The following FYB2 variants were observed in gnomAD, a reference collection of about 807,000 sequenced individuals.
The protein encoded by FYB2 is FYN-binding protein 2.
A neutral mutation model predicts 94.1 loss-of-function variants in FYB2; 103 were observed. The ratio of observed to expected loss-of-function variants is 1.09; its 90% CI spans 0.93 to 1.29. The LOEUF is 1.29. Ranked by LOEUF, FYB2 falls within the 50% of genes most tolerant of loss-of-function variation. FYB2 has a pLI of 0.00. For missense variants in FYB2, 896 were observed against 841.5 expected (o/e 1.06, Z -0.80); for synonymous variants, 293 against 287.9 (o/e 1.02, Z -0.18).
At chr1:56,806,780 G>A (rs111247645) in intron 1 of FYB2, among the ~76,000 whole-genome samples, 6 of 12,344 alleles carry the variant, frequency 4.9e-4, no homozygotes, top group Admixed American at 1.5e-3. Flanking sequence ...ATATTGCTTC[G>A]ATACTAAAAC....
In FYB2 at chr1:56,792,083, CAT is replaced by C. The variant is rs763440116; in HGVS notation, c.728_729del (p.Tyr243Ter). The C allele has an allele frequency of 2.0e-5, 32 of 1,604,362 alleles. No individual in the cohort carries two copies. In the Middle Eastern group the frequency reaches 8.8e-4, roughly 44 times the overall value. ...SPASSPCQPIYECELASQAPE... is the reference protein window; with the variant it reads ...SPASSPCQPIXECELASQAPE... The stretch of plus-strand genomic sequence containing the variant: ...GGGGCCTGACTGGCAAGCTCACACT[CAT>C]AGATGGGCTGGCAGGGGCTGCTTGC... On this transcript the variant is annotated frameshift_variant, in exon 2 of 20. Coordinates refer to ENST00000343433, the MANE Select transcript of FYB2 (RefSeq NM_001004303.5). LOFTEE classifies it high-confidence loss of function.
chr1:56,741,358 G>A (rs1001104183), intron 12 of FYB2, among the ~76,000 whole-genome samples: 2 of 152,050 alleles, frequency 1.3e-5, no homozygotes, highest in East Asian at 1.9e-4. Context: ...TCAGGGAAAT[G>A]TACTTTACAA....
At chr1:56,761,716 C>T (rs1645498613) in intron 5 of FYB2, among the ~76,000 whole-genome samples, 1 of 152,122 alleles carries the variant, frequency 6.6e-6, no homozygotes, top group Non-Finnish European at 1.5e-5. Flanking sequence ...GTTTTCTTGG[C>T]CTTGTTCAAG....
At chr1:56,818,678 C>A (rs1018010004) in intron 1 of FYB2, among the ~76,000 whole-genome samples, 1 of 152,168 alleles carries the variant, frequency 6.6e-6, no homozygotes, top group African/African-American at 2.4e-5. Context: ...CTTTTCCATA[C>A]ATCTCTATTT....
intron 4 of FYB2, among the ~76,000 whole-genome samples, chr1:56,781,055 G>A (rs1265229987): frequency 6.6e-5 from 10 of 152,188 alleles, no homozygotes; most frequent in Non-Finnish European, 1.5e-4. Context: ...CGTCAATCAG[G>A]TCAGGTCTGT....
intron 4 of FYB2, among the ~76,000 whole-genome samples, chr1:56,786,529 T>C (rs1027627973): frequency 6.6e-6 from 1 of 152,178 alleles, no homozygotes; most frequent in Non-Finnish European, 1.5e-5. Flanking sequence ...GGAACATCTT[T>C]GTGTGGGAGG....
At position 56,811,105 on chromosome 1, in the gene FYB2, T is replaced by C. The variant is rs570158281; in HGVS notation, c.9+8177A>G. The stretch of plus-strand genomic sequence containing the variant: ...TCTCTATATATTAAATCATAGATGC[T>C]CTAGGGGAGGGACCGTCATCAGGCA... On this transcript the variant is annotated intron_variant, in intron 1 of 19. Coordinates refer to ENST00000343433, the MANE Select transcript of FYB2 (RefSeq NM_001004303.5). Among the ~76,000 whole-genome samples the C allele has an allele frequency of 5.1e-4, 78 of 152,196 alleles. No individual in the cohort carries two copies. The South Asian group carries it at 0.016, about 31-fold the overall frequency.
In FYB2 at chr1:56,819,254, G is replaced by T. The variant is rs770791939; in HGVS notation, c.9+28C>A. On this transcript the variant is annotated intron_variant, in intron 1 of 19. Transcript: ENST00000343433. Reference sequence around the variant, plus strand: ...TCCTGCAAGAAAAGACACACAGAAAGCCAGCAACAAAACTGAGACAGCCTT... The same window carrying T: ...TCCTGCAAGAAAAGACACACAGAAATCCAGCAACAAAACTGAGACAGCCTT... 5 of 1,614,082 alleles carry T rather than the reference G, an allele frequency of 3.1e-6. No homozygotes were observed. The Admixed American group carries it at 8.3e-5, about 27-fold the overall frequency.
upstream of FYB2, chr1:56,819,763 C>T (rs7523415): frequency 0.02 from 3,472 of 177,976 alleles, 126 homozygotes; most frequent in African/African-American, 0.076. Context: ...CCCCTGCAGA[C>T]GGCTACTTAA....
intron 1 of FYB2, among the ~76,000 whole-genome samples, chr1:56,816,210 T>G (rs961676812): frequency 6.6e-6 from 1 of 152,216 alleles, no homozygotes; most frequent in East Asian, 1.9e-4. Flanking sequence ...GAGTTCTCCC[T>G]CTGTTCCACA....
At chr1:56,801,229 T>G (rs930150669) in intron 1 of FYB2, among the ~76,000 whole-genome samples, 1 of 152,170 alleles carries the variant, frequency 6.6e-6, no homozygotes, top group Admixed American at 6.6e-5. Context: ...CATGGCTTTC[T>G]TCTTCCACTC....
chr1:56,805,941 T>C (rs1304735936), intron 1 of FYB2, among the ~76,000 whole-genome samples: 2 of 152,186 alleles, frequency 1.3e-5, no homozygotes, highest in African/African-American at 4.8e-5. Flanking sequence ...TTTATCAGCA[T>C]GTCTTTATCA....
chr1:56,813,944 G>A (rs1479976524), intron 1 of FYB2, among the ~76,000 whole-genome samples: 2 of 152,156 alleles, frequency 1.3e-5, no homozygotes, highest in Admixed American at 1.3e-4. Flanking sequence ...GTGCTCTTAA[G>A]CACCAGGATT....
chr1:56,799,483 C>G (rs1646472458), intron 1 of FYB2, among the ~76,000 whole-genome samples: 2 of 152,044 alleles, frequency 1.3e-5, no homozygotes. Context: ...TTTATTTATA[C>G]CGACATGAGC....
At chr1:56,796,218 C>T (rs1246542947) in intron 1 of FYB2, among the ~76,000 whole-genome samples, 1 of 152,118 alleles carries the variant, frequency 6.6e-6, no homozygotes, top group African/African-American at 2.4e-5. Flanking sequence ...ATTTTATTTT[C>T]CTTACAATTG....
chr1:56,761,225 T>C (rs780879571), intron 5 of FYB2, among the ~76,000 whole-genome samples: 5 of 152,308 alleles, frequency 3.3e-5, no homozygotes, highest in South Asian at 2.1e-4. Flanking sequence ...ATAATAAAAA[T>C]AATAATTTAA....
At chr1:56,746,507 T>C (rs1645070515) in intron 9 of FYB2, among the ~76,000 whole-genome samples, 1 of 152,066 alleles carries the variant, frequency 6.6e-6, no homozygotes, top group African/African-American at 2.4e-5. Context: ...TGACTTCTAA[T>C]ACCAGCGGTA....
chr1:56,815,247 C>T lies in FYB2; in HGVS notation c.9+4035G>A, dbSNP rs773179874. 9.2e-5 allele frequency among the ~76,000 whole-genome samples: 14 copies of T among 152,076 alleles called. No homozygotes were observed. In the East Asian group the frequency reaches 9.6e-4, roughly 10 times the overall value. On this transcript the variant is annotated intron_variant, in intron 1 of 19. Coordinates refer to ENST00000343433, the MANE Select transcript of FYB2 (RefSeq NM_001004303.5). ...GCCTTCTCCCCCTCCTTCACTCGAG[C>T]GTTCCCTGATGAAATGCCACTTCCT... is the stretch of plus-strand genomic sequence containing the variant.
chr1:56,816,189 G>A (rs1287067622), intron 1 of FYB2, among the ~76,000 whole-genome samples: 4 of 152,160 alleles, frequency 2.6e-5, no homozygotes, highest in East Asian at 1.9e-4. Context: ...GAATTTGGAC[G>A]AGGCTCAGCT....
Sources: allele counts gnomAD v4.1 joint callset (sites outside exome capture counted in the v4.1 genomes callset), GRCh38; gene constraint gnomAD v4.1.1; transcripts MANE v1.5; gene names NCBI Gene and HGNC (gene_info 2026-07-23, HGNC 2026-07-21).